The following TCF4 variants were observed in gnomAD, a reference collection of about 807,000 sequenced individuals.
TCF4 encodes transcription factor 4.
TCF4 carries 3 observed loss-of-function variants against 82.1 expected under a neutral mutation model. That is an observed-to-expected ratio of 0.04 (90% CI 0.02 to 0.09). The LOEUF is 0.09. TCF4 is among the 10% of genes least tolerant of loss of function. TCF4 has a pLI of 1.00. For missense variants in TCF4, 518 were observed against 852.7 expected (o/e 0.61, Z 4.89); for synonymous variants, 276 against 309.6 (o/e 0.89, Z 1.14).
At chr18:55,579,113 TATAAC>T (rs1356361895) in intron 3 of TCF4, among the ~76,000 whole-genome samples, 1 of 150,824 alleles carries the variant, frequency 6.6e-6, no homozygotes, top group Non-Finnish European at 1.5e-5. Context: ...ATATATAACT[TATAAC>T]AAAGTGTTAA....
chr18:55,417,091 T>C (rs1165469882), intron 5 of TCF4, among the ~76,000 whole-genome samples: 1 of 152,224 alleles, frequency 6.6e-6, no homozygotes, highest in Non-Finnish European at 1.5e-5. Context: ...ACTCAGCAAA[T>C]GCATCACAAT....
At chr18:55,554,892 A>G (rs2097291128) in intron 3 of TCF4, among the ~76,000 whole-genome samples, 2 of 152,244 alleles carry the variant, frequency 1.3e-5, no homozygotes, top group African/African-American at 4.8e-5. Flanking sequence ...AATAGAACAA[A>G]TAGCAGATGC....
intron 6 of TCF4, among the ~76,000 whole-genome samples, chr18:55,375,856 T>A (rs546165598): frequency 1.4e-4 from 22 of 152,070 alleles, no homozygotes; most frequent in African/African-American, 5.3e-4. Context: ...TTTTTACAAA[T>A]AGGGAGTAGG....
At chr18:55,288,326 CA>C (rs2064180729) in intron 8 of TCF4, among the ~76,000 whole-genome samples, 1 of 152,124 alleles carries the variant, frequency 6.6e-6, no homozygotes, top group Non-Finnish European at 1.5e-5. Flanking sequence ...CTATTGCAGC[CA>C]AACTGTACAT....
At position 55,301,869 on chromosome 18, in the gene TCF4, C is replaced by T. The variant is rs112624970; in HGVS notation, c.550-22213G>A. The stretch of plus-strand genomic sequence containing the variant: ...CAATTCCCTTTCTCCCCCTCCAAAA[C>T]TCTTGGAAGATGAGCTGATTCATCC... On this transcript the variant is annotated intron_variant, in intron 8 of 19. Coordinates refer to ENST00000354452, the MANE Select transcript of TCF4 (RefSeq NM_001083962.2). 5.1e-3 allele frequency among the ~76,000 whole-genome samples: 739 copies of T among 146,260 alleles called. 7 individuals carry two copies. Among genetic ancestry groups the T allele is most frequent in the South Asian group, 9.4e-3 (41 of 4,360 alleles).
intron 5 of TCF4, among the ~76,000 whole-genome samples, chr18:55,451,041 T>C (rs1047082710): frequency 4.6e-5 from 7 of 152,218 alleles, no homozygotes; most frequent in African/African-American, 1.4e-4. Flanking sequence ...TTTATAGGAT[T>C]ACTGTTTTGT....
intron 5 of TCF4, among the ~76,000 whole-genome samples, chr18:55,420,514 T>C (rs2094695670): frequency 6.6e-6 from 1 of 152,186 alleles, no homozygotes; most frequent in South Asian, 2.1e-4. Context: ...CTCAGTCACA[T>C]AAGCCACCAG....
intron 16 of TCF4, among the ~76,000 whole-genome samples, chr18:55,234,048 G>A (rs2048658415): frequency 6.6e-6 from 1 of 152,072 alleles, no homozygotes; most frequent in Admixed American, 6.5e-5. Context: ...ACTTCCTGGG[G>A]TCATGAAAAG....
At position 55,444,644 on chromosome 18, in the gene TCF4, T is replaced by C. The variant is rs367709795; in HGVS notation, c.304+16375A>G. ...GTTAGAGCTGTCACAATGCAACAAA[T>C]TGCCTTGTTGGTGGTGGTTCATGTC... On this transcript the variant is annotated intron_variant, in intron 5 of 19. Coordinates refer to ENST00000354452, the MANE Select transcript of TCF4 (RefSeq NM_001083962.2). Among the ~76,000 whole-genome samples the C allele has an allele frequency of 6.6e-5, 10 of 152,328 alleles. No homozygotes were observed. The East Asian group carries it at 9.6e-4, about 15-fold the overall frequency.
intron 3 of TCF4, among the ~76,000 whole-genome samples, chr18:55,573,991 T>C (rs2147619919): frequency 6.6e-6 from 1 of 152,294 alleles, no homozygotes; most frequent in East Asian, 1.9e-4. Flanking sequence ...ATAAAAAAGA[T>C]AAGCATGTAT....
intron 3 of TCF4, among the ~76,000 whole-genome samples, chr18:55,502,550 C>A (rs2096712605): frequency 6.6e-6 from 1 of 152,188 alleles, no homozygotes; most frequent in South Asian, 2.1e-4. Context: ...ATCTAATACA[C>A]CCAAGTCACA....
At chr18:55,593,605 G>GC (rs1480658838), upstream of TCF4, among the ~76,000 whole-genome samples, 1 of 152,164 alleles carries the variant, frequency 6.6e-6, no homozygotes, top group Non-Finnish European at 1.5e-5. Context: ...TAGCCAGGCA[G>GC]CCCTCTGGTA....
intron 8 of TCF4, among the ~76,000 whole-genome samples, chr18:55,315,828 T>C (rs1448228144): frequency 6.6e-6 from 1 of 152,122 alleles, no homozygotes; most frequent in Non-Finnish European, 1.5e-5. Flanking sequence ...CTTTTCCACT[T>C]TTGTCACTAC....
intron 5 of TCF4, among the ~76,000 whole-genome samples, chr18:55,428,746 T>A (rs1187513196): frequency 1.3e-5 from 2 of 152,202 alleles, no homozygotes; most frequent in African/African-American, 2.4e-5. Context: ...GAGCATGGAT[T>A]TCAGGCTACA....
At chr18:55,594,967 C>G (rs527344771) in intron 2 of TCF4, among the ~76,000 whole-genome samples, 7 of 152,258 alleles carry the variant, frequency 4.6e-5, no homozygotes, top group Non-Finnish European at 1.0e-4. Context: ...GGCAGGACCA[C>G]CCAGGTACAG....
intron 8 of TCF4, among the ~76,000 whole-genome samples, chr18:55,306,522 T>C (rs1447791988): frequency 6.6e-6 from 1 of 152,152 alleles, no homozygotes; most frequent in Non-Finnish European, 1.5e-5. Flanking sequence ...TCACTTTGAG[T>C]AATAAAGAAA....
chr18:55,416,023 CTTGA>C lies in TCF4; in HGVS notation c.305-12509_305-12506del, dbSNP rs1351644048. Among the ~76,000 whole-genome samples the C allele has an allele frequency of 2.0e-5, 3 of 152,036 alleles. No homozygotes were observed. In the South Asian group the frequency reaches 6.2e-4, roughly 32 times the overall value. ...TTCCTTATTTTCCCACTGGTTTGTGCTTGATTGATTACTTGTAAATTGTCTATTC... is the reference window on the plus strand; with the variant it reads ...TTCCTTATTTTCCCACTGGTTTGTGCTTGATTACTTGTAAATTGTCTATTC... On this transcript the variant is annotated intron_variant, in intron 5 of 19. Transcript: ENST00000354452.
chr18:55,538,881 C>T (rs1027857752), intron 3 of TCF4, among the ~76,000 whole-genome samples: 30 of 151,998 alleles, frequency 2.0e-4, no homozygotes, highest in African/African-American at 7.3e-4. Context: ...TCCAGGTTCA[C>T]GAGTCCATTT....
At chr18:55,246,426 T>G (rs1360748080) in intron 15 of TCF4, among the ~76,000 whole-genome samples, 6 of 152,118 alleles carry the variant, frequency 3.9e-5, no homozygotes, top group African/African-American at 1.2e-4. Flanking sequence ...TGTTTCAACA[T>G]CATAGAGTCT....
Sources: allele counts gnomAD v4.1 joint callset (sites outside exome capture counted in the v4.1 genomes callset), GRCh38; gene constraint gnomAD v4.1.1; transcripts MANE v1.5; gene names NCBI Gene and HGNC (gene_info 2026-07-23, HGNC 2026-07-21).